The following UNC79 variants were observed in gnomAD, a reference collection of about 807,000 sequenced individuals.
The protein encoded by UNC79 is protein unc-79 homolog.
A neutral mutation model predicts 283.1 loss-of-function variants in UNC79; 37 were observed. The observed-to-expected ratio is 0.13, with a 90% CI of 0.10 to 0.17. UNC79 has a LOEUF of 0.17. UNC79 is among the 10% of genes least tolerant of loss of function. The pLI, the probability that UNC79 is intolerant of heterozygous loss-of-function variation, is 1.00. For synonymous variants in UNC79, 1,107 were observed against 1,200.2 expected, an observed-to-expected ratio of 0.92 and a Z score of 1.61; for missense variants, 2,272 against 3,211.1, an observed-to-expected ratio of 0.71 and a Z score of 7.07.
chr14:93,480,613 G>A (rs1595581338), intron 4 of UNC79, among the ~76,000 whole-genome samples: 1 of 152,124 alleles, frequency 6.6e-6, no homozygotes, highest in Non-Finnish European at 1.5e-5. Flanking sequence ...CACCATTCAG[G>A]TGTTTCCTTT....
intron 14 of UNC79, among the ~76,000 whole-genome samples, chr14:93,555,231 ATATTT>A (rs2062101927): frequency 6.6e-6 from 1 of 152,216 alleles, no homozygotes; most frequent in Admixed American, 6.5e-5. Context: ...TTCTGATAAA[ATATTT>A]TATTTAAGCA....
rs1277669726 is a variant in UNC79, at chr14:93,617,340, G to A, written c.4224+36G>A. On this transcript the variant is annotated intron_variant, in intron 28 of 48. Transcript: ENST00000555664. The surrounding 1 kb of genome is among the most constrained non-coding windows in gnomAD (Gnocchi z 4.5). ...TGGTCACTGCTGTTTTGGATGCAAT[G>A]GTTCTCTTAGAGAGCATATAGCATT... 1 of 1,607,242 alleles carries A rather than the reference G, an allele frequency of 6.2e-7. No homozygotes were observed. Among genetic ancestry groups the A allele is most frequent in the East Asian group, 2.2e-5 (1 of 44,750 alleles).
intron 48 of UNC79, among the ~76,000 whole-genome samples, chr14:93,704,904 A>T (rs989284261): frequency 2.6e-5 from 4 of 152,110 alleles, no homozygotes; most frequent in African/African-American, 9.7e-5. Context: ...GGAGGGCGGT[A>T]TCCCAGGGTC....
intron 35 of UNC79, among the ~76,000 whole-genome samples, chr14:93,649,128 C>T (rs753932483): frequency 2.3e-4 from 35 of 152,102 alleles, no homozygotes; most frequent in Admixed American, 9.2e-4. Context: ...CCTTCTTGTG[C>T]CTCAGGGGTA....
chr14:93,682,540 CAA>C (rs1444131551), intron 41 of UNC79, 75 bp from the exon 45 acceptor site: 6 of 1,288,190 alleles, frequency 4.7e-6, no homozygotes, highest in African/African-American at 1.5e-5. Flanking sequence ...TAATTTAAGC[CAA>C]GTTAATAAAA....
chr14:93,529,703 T>C (rs191930882), intron 10 of UNC79, among the ~76,000 whole-genome samples: 4 of 152,168 alleles, frequency 2.6e-5, no homozygotes, highest in African/African-American at 9.6e-5. Flanking sequence ...GGGAGAGAAA[T>C]GAATAATTGG....
chr14:93,469,058 G>A (rs1207866594), intron 2 of UNC79, among the ~76,000 whole-genome samples: 2 of 152,192 alleles, frequency 1.3e-5, no homozygotes, highest in African/African-American at 2.4e-5. Flanking sequence ...TTCTCAAAGC[G>A]AGAGACACTT....
intron 14 of UNC79, among the ~76,000 whole-genome samples, chr14:93,562,601 T>C (rs558116167): frequency 6.6e-6 from 1 of 152,270 alleles, no homozygotes; most frequent in Non-Finnish European, 1.5e-5. Context: ...TCCTGAAGAT[T>C]GAGGACGGTA....
intron 17 of UNC79, 26 bp downstream of exon 17, chr14:93,575,224 TCTTG>T (rs1421112913): frequency 6.2e-7 from 1 of 1,612,474 alleles, no homozygotes; most frequent in African/African-American, 1.3e-5. Flanking sequence ...TTTGTTCTTG[TCTTG>T]CTTTTAAAAA....
chr14:93,340,272 C>T (rs988381486), intron 1 of UNC79, among the ~76,000 whole-genome samples: 1 of 152,064 alleles, frequency 6.6e-6, no homozygotes, highest in Non-Finnish European at 1.5e-5. Context: ...GAAATGCCAT[C>T]TCTACTAAAA....
intron 1 of UNC79, among the ~76,000 whole-genome samples, chr14:93,443,403 A>T (rs10083449): frequency 1.3e-5 from 2 of 149,308 alleles, no homozygotes; most frequent in African/African-American, 4.9e-5. Flanking sequence ...CATTCAGTGC[A>T]TACTCTTTTC....
In UNC79 at chr14:93,502,499, TA is replaced by T. The variant is rs55690225; in HGVS notation, c.898+5221del. On this transcript the variant is annotated intron_variant, in intron 7 of 48. Coordinates refer to ENST00000555664, the Ensembl canonical transcript of UNC79. ...AATTAAAATGACTTTTTCTCCTGTTTAAAAAAAATGCAAAAAATTGTAACTT... is the reference window on the plus strand; with the variant it reads ...AATTAAAATGACTTTTTCTCCTGTTTAAAAAAATGCAAAAAATTGTAACTT... 1.8e-3 allele frequency among the ~76,000 whole-genome samples: 270 copies of T among 152,094 alleles called. 2 individuals are homozygous for T. The highest frequency in any genetic ancestry group is 0.01 in the Middle Eastern group (3 of 292).
At chr14:93,540,533 C>CTG in intron 12 of UNC79, 127 bp from the exon 13 acceptor site, 1 of 988,712 alleles carries the variant, frequency 1.0e-6, no homozygotes, top group Non-Finnish European at 1.5e-6. Flanking sequence ...CTCAGTAACA[C>CTG]AGTACTCAAT....
intron 31 of UNC79, among the ~76,000 whole-genome samples, chr14:93,635,073 T>C (rs1239690831): frequency 6.6e-6 from 1 of 152,172 alleles, no homozygotes; most frequent in African/African-American, 2.4e-5. Flanking sequence ...TGCCAGTAGG[T>C]TTGGGAATAT....
chr14:93,580,099 C>CT (rs149492147), intron 18 of UNC79, 50 bp from the exon 19 acceptor site: 64,878 of 1,262,682 alleles, frequency 0.051, 1,888 homozygotes, highest in African/African-American at 0.26. Flanking sequence ...CCTTCTTCTT[C>CT]TTTTTTTTTT....
chr14:93,404,322 A>C (rs1175905047), intron 1 of UNC79, among the ~76,000 whole-genome samples: 4 of 75,262 alleles, frequency 5.3e-5, no homozygotes, highest in African/African-American at 1.9e-4. Context: ...CTGTTTCTAC[A>C]AAAATAAAAA....
intron 1 of UNC79, among the ~76,000 whole-genome samples, chr14:93,386,141 G>C (rs895328790): frequency 6.6e-6 from 1 of 152,116 alleles, no homozygotes; most frequent in Non-Finnish European, 1.5e-5. Context: ...ATTGAGATAT[G>C]TTCCTTCTAT....
intron 1 of UNC79, among the ~76,000 whole-genome samples, chr14:93,375,280 G>A (rs1462916877): frequency 2.0e-5 from 3 of 152,196 alleles, no homozygotes; most frequent in Non-Finnish European, 4.4e-5. Flanking sequence ...TACTCAGGAG[G>A]CTGAGGTAGG....
chr14:93,409,661 C>A (rs139108813), intron 1 of UNC79, among the ~76,000 whole-genome samples: 1 of 152,000 alleles, frequency 6.6e-6, no homozygotes, highest in African/African-American at 2.4e-5. Context: ...GCACTACAGC[C>A]TGGGTGACAG....
Sources: allele counts gnomAD v4.1 joint callset (sites outside exome capture counted in the v4.1 genomes callset), GRCh38; gene constraint gnomAD v4.1.1; non-coding constraint Gnocchi (gnomAD v3.1); transcripts MANE v1.5; gene names NCBI Gene and HGNC (gene_info 2026-07-23, HGNC 2026-07-21).